TNXB: variants seen among roughly 807,000 people sequenced by gnomAD.
TNXB encodes tenascin XB, also known as tenascin-X.
A neutral mutation model predicts 340.5 loss-of-function variants in TNXB; 183 were observed. That is an observed-to-expected ratio of 0.54 (90% CI 0.48 to 0.61). The LOEUF (loss-of-function observed/expected upper bound fraction) is 0.61. Among genes scored for constraint, TNXB ranks in the 20% least tolerant of loss-of-function variants. TNXB has a pLI of 0.00. For missense variants in TNXB, 4,613 were observed against 5,446.4 expected (o/e 0.85, Z 4.82); for synonymous variants, 2,121 against 2,314.5 (o/e 0.92, Z 2.40).
chr6:32,068,521 G>C lies in TNXB; in HGVS notation c.6089C>G (p.Ala2030Gly), dbSNP rs1304606320. Reference sequence around the variant, plus strand: ...TTCCTCGTGCCCTGGCACCCTCACTGCCTTGGGCTGCCCATCTCCATTCCT... The same window carrying C: ...TTCCTCGTGCCCTGGCACCCTCACTCCCTTGGGCTGCCCATCTCCATTCCT... ...QYRNGDGQPK[A>G]VRVPGHEEGV... is the part of the protein sequence containing the mutation. The change falls in exon 17 of 44, where the codon GCA becomes GGA. Residue 2030 changes from alanine (A) to glycine (G), a missense_variant. Around this residue, in one of 7 missense-constraint regions of TNXB, gnomAD observed 4,327 missense variants for 4,859.4 expected, o/e 0.89. Transcript: ENST00000644971. This position sits in a 1 kb window ranked among gnomAD's most constrained non-coding sequence, Gnocchi z 5.3. The C allele has an allele frequency of 3.7e-6, 6 of 1,613,960 alleles. No individual in the cohort carries two copies. Among genetic ancestry groups the C allele is most frequent in the Non-Finnish European group, 5.1e-6 (6 of 1,179,904 alleles).
In TNXB at chr6:32,058,102, T is replaced by G; in HGVS notation, c.7781A>C (p.His2594Pro). 1 of 1,612,038 alleles carries G rather than the reference T, an allele frequency of 6.2e-7. No homozygotes were observed. The highest frequency in any genetic ancestry group is 8.5e-7 in the Non-Finnish European group (1 of 1,179,294). The change falls in exon 22 of 44, where the codon CAC becomes CCC. Residue 2594 changes from histidine to proline, a missense_variant. By Grantham distance (77) the His-to-Pro change is moderately conservative. Coordinates refer to ENST00000644971, the MANE Select transcript of TNXB (RefSeq NM_001365276.2). The surrounding 1 kb of genome is among the most constrained non-coding windows in gnomAD (Gnocchi z 5.1). ...CACCGGGCCCAGGCGCCGCCCCTCG[T>G]GGAGGCCGTACAGGTGCATCTTGTA... ...RKYKMHLYGL[H>P]EGRRLGPVSA... is the part of the protein sequence containing the mutation.
Position 32,074,290 on chromosome 6 carries a change from C to T in TNXB, c.4376-338G>A, listed in dbSNP as rs1778957334. On this transcript the variant is annotated intron_variant, in intron 11 of 43. Transcript: ENST00000644971. The surrounding 1 kb of genome is among the most constrained non-coding windows in gnomAD (Gnocchi z 5.5). Reference sequence around the variant, plus strand: ...TCCACCTGCCTCAGCCCCCAAAGTGCTGGGATTACAGGTGTGAGCCACCAC... The same window carrying T: ...TCCACCTGCCTCAGCCCCCAAAGTGTTGGGATTACAGGTGTGAGCCACCAC... 6.6e-6 allele frequency among the ~76,000 whole-genome samples: 1 copy of T among 152,172 alleles called. No homozygotes were observed. The highest frequency in any genetic ancestry group is 2.1e-4 in the South Asian group (1 of 4,820).
chr6:32,105,136 ACCTTCAAGTC>A (rs1780914876), intron 1 of TNXB, among the ~76,000 whole-genome samples: 2 of 152,022 alleles, frequency 1.3e-5, no homozygotes, highest in South Asian at 4.2e-4. Context: ...AGCTCCACTG[ACCTTCAAGTC>A]CCTCATACTC....
Position 32,097,196 on chromosome 6 carries a change from G to C in TNXB, c.657C>G (p.Pro219=). The part of the protein sequence containing the change: ...TGPSCGWPSC[P]GDCQGRGRCV... ...AGCGCCCACGGCCTTGGCAGTCCCCGGGACAGGATGGCCAGCCACAGCTGG... is the reference window on the plus strand; with the variant it reads ...AGCGCCCACGGCCTTGGCAGTCCCCCGGACAGGATGGCCAGCCACAGCTGG... Residue 219 remains proline (P), a synonymous_variant, in exon 3 of 44, where the codon CCC becomes CCG. Transcript: ENST00000644971. This position sits in a 1 kb window ranked among gnomAD's most constrained non-coding sequence, Gnocchi z 5.9. 3 of 1,595,688 alleles carry C rather than the reference G, an allele frequency of 1.9e-6. No individual in the cohort carries two copies. The South Asian group carries it at 3.4e-5, about 18-fold the overall frequency.
At position 32,098,146 on chromosome 6, in the gene TNXB, A is replaced by T; in HGVS notation, c.53T>A (p.Leu18Gln). The T allele has an allele frequency of 1.3e-6, 2 of 1,576,572 alleles. No homozygotes were observed. Among genetic ancestry groups the T allele is most frequent in the Middle Eastern group, 1.7e-4 (1 of 5,922 alleles). ...GAAGGGGCCTGCTCTGGCTGTGCTC[A>T]GCAGCACCAGGAGAACCAGGCTGGA... The part of the protein sequence containing the change: ...LTSSLVLLVL[L>Q]STARAGPFSS... The change falls in exon 2 of 44, where the codon CTG becomes CAG. Residue 18 changes from leucine to glutamine, a missense_variant. Transcript: ENST00000644971.
intron 35 of TNXB, 32 bp downstream of exon 35, chr6:32,043,717 C>T: frequency 6.2e-7 from 1 of 1,613,522 alleles, no homozygotes; most frequent in Non-Finnish European, 8.5e-7. Context: ...TCTTGGCTCC[C>T]ACCTCTTGCC....
chr6:32,096,363 C>T lies in TNXB; in HGVS notation c.1490G>A (p.Cys497Tyr), dbSNP rs2127289678. 2 of 1,555,588 alleles carry T rather than the reference C, an allele frequency of 1.3e-6. No homozygotes were observed. Among genetic ancestry groups the T allele is most frequent in the Non-Finnish European group, 1.7e-6 (2 of 1,157,356 alleles). Reference protein sequence around the residue: ...YTGRDCGTRACPGDCRGRGRC... With the variant: ...YTGRDCGTRAYPGDCRGRGRC... ...CCCGCGCCCGCGACAGTCGCCAGGA[C>T]AGGCGCGCGTGCCGCAGTCCCGGCC... Residue 497 changes from cysteine to tyrosine, a missense_variant, in exon 3 of 44, where the codon TGT becomes TAT. By Grantham distance (194) the Cys-to-Tyr change is radical. Coordinates refer to ENST00000644971, the MANE Select transcript of TNXB (RefSeq NM_001365276.2).
rs1231064005 is a variant in TNXB at position 32,081,551 on chromosome 6, G to A, written c.3859C>T (p.Pro1287Ser). 6.2e-7 allele frequency: 1 copy of A among 1,604,804 alleles called. No individual in the cohort carries two copies. The highest frequency in any genetic ancestry group is 8.5e-7 in the Non-Finnish European group (1 of 1,175,884). Residue 1287 changes from proline to serine, a missense_variant, in exon 10 of 44, where the codon CCC becomes TCC. This residue lies in a region of TNXB where 4,327 missense variants were observed against 4,859.4 expected (regional missense o/e 0.89). Coordinates refer to ENST00000644971, the MANE Select transcript of TNXB (RefSeq NM_001365276.2). The surrounding 1 kb of genome is among the most constrained non-coding windows in gnomAD (Gnocchi z 5.1). ...TACTGGACCATGAATGAGTCGAAGGGGCCCTGGGCCACTGTCCATGAGAGA... is the reference window on the plus strand; with the variant it reads ...TACTGGACCATGAATGAGTCGAAGGAGCCCTGGGCCACTGTCCATGAGAGA... Reference protein sequence around the residue: ...LRLSWTVAQGPFDSFMVQYKD... With the variant: ...LRLSWTVAQGSFDSFMVQYKD...
Position 32,041,499 on chromosome 6 carries a change from C to T in TNXB, c.12634-49G>A, listed in dbSNP as rs1351096870. The T allele has an allele frequency of 3.2e-6, 4 of 1,230,960 alleles. 1 individual carries two copies. The highest frequency in any genetic ancestry group is 4.6e-6 in the Non-Finnish European group (4 of 862,198). The allele number at this position is 1,230,960 out of a possible 1,614,324, so 76.3% of individuals were successfully genotyped here. A position where few individuals can be genotyped will look rare whatever the true frequency, so the allele number is the denominator to read the frequency against. On this transcript the variant is annotated intron_variant, in intron 43 of 43. Coordinates refer to ENST00000644971, the MANE Select transcript of TNXB (RefSeq NM_001365276.2). ...GAGTCAAAGCCGGATGTCCCATCTG[C>T]TCTTCCCGTTCCCCTTAAGGAGGTA...
At position 32,061,542 on chromosome 6, in the gene TNXB, G is replaced by C. The variant is rs747521071; in HGVS notation, c.7347C>G (p.Asp2449Glu). 2.5e-6 allele frequency: 4 copies of C among 1,613,554 alleles called. No homozygotes were observed. In the East Asian group the frequency reaches 8.9e-5, roughly 36 times the overall value. ...DSFTVQYKDR[D>E]GRPQVVRVGG... is the part of the protein sequence containing the mutation. ...CAACACGCACCACCTGGGGCCGCCC[G>C]TCCCTGTCCTTGTACTGCACGGTGA... Residue 2449 changes from aspartate to glutamate, a missense_variant, in exon 21 of 44, where the codon GAC (aspartate) becomes GAG (glutamate). Physicochemically the swap from Asp to Glu is conservative, Grantham distance 45 (BLOSUM62 2). Transcript: ENST00000644971. This position sits in a 1 kb window ranked among gnomAD's most constrained non-coding sequence, Gnocchi z 4.4.
chr6:32,047,334 T>C lies in TNXB; in HGVS notation c.10324+400A>G, dbSNP rs1776957759. Among the ~76,000 whole-genome samples the C allele has an allele frequency of 6.6e-6, 1 of 152,204 alleles. No individual in the cohort carries two copies. The highest frequency in any genetic ancestry group is 6.5e-5 in the Admixed American group (1 of 15,284). On this transcript the variant is annotated intron_variant, in intron 30 of 43. Coordinates refer to ENST00000644971, the MANE Select transcript of TNXB (RefSeq NM_001365276.2). The surrounding 1 kb of genome is among the most constrained non-coding windows in gnomAD (Gnocchi z 6.2). ...CTTTCCATAGCCAAGCCCTCCCTTT[T>C]CTTCCACCCCTCGGCTCCGAGTCAG...
rs1403508723 is a variant in TNXB at position 32,046,510 on chromosome 6, C to G, written c.10325-54G>C. ...AGTCACATGCTGCCTTTGCCTAAGC[C>G]CTGGCAGCCTCCCGGAGGTGTGAGG... On this transcript the variant is annotated intron_variant, in intron 30 of 43. Coordinates refer to ENST00000644971, the MANE Select transcript of TNXB (RefSeq NM_001365276.2). The surrounding 1 kb of genome is among the most constrained non-coding windows in gnomAD (Gnocchi z 6.9). 3.8e-5 allele frequency: 56 copies of G among 1,468,336 alleles called. No homozygotes were observed. The highest frequency in any genetic ancestry group is 4.9e-5 in the Non-Finnish European group (54 of 1,099,072). 91.0% of individuals were successfully genotyped at this position (1,468,336 alleles called of 1,614,324 possible).
intron 23 of TNXB, 60 bp downstream of exon 23, chr6:32,056,526 A>G (rs984434772): frequency 6.3e-7 from 1 of 1,583,704 alleles, no homozygotes; most frequent in African/African-American, 1.3e-5. Flanking sequence ...AGTCATCACC[A>G]AAGAGCAAGA....
intron 1 of TNXB, among the ~76,000 whole-genome samples, chr6:32,103,481 C>G (rs13194586): frequency 0.027 from 4,116 of 151,390 alleles, 92 homozygotes; most frequent in South Asian, 0.092. Flanking sequence ...TCTCACACCC[C>G]CTCCAGCCAC....
rs1179171285 is a variant in TNXB, at chr6:32,075,779, A to T, written c.4376-1827T>A. ...GGCTCAGGACCTGCAGATCCCCACC[A>T]CTCCCGCATGAGGAAGCACTCATTA... On this transcript the variant is annotated intron_variant, in intron 11 of 43. Coordinates refer to ENST00000644971, the MANE Select transcript of TNXB (RefSeq NM_001365276.2). This position sits in a 1 kb window ranked among gnomAD's most constrained non-coding sequence, Gnocchi z 4.6. Among the ~76,000 whole-genome samples, 2 of 151,852 alleles carry T rather than the reference A, an allele frequency of 1.3e-5. 1 individual carries two copies. Among genetic ancestry groups the T allele is most frequent in the East Asian group, 3.9e-4 (2 of 5,182 alleles).
At chr6:32,057,987 T>A in intron 22 of TNXB, 71 bp downstream of exon 22, 1 of 1,494,300 alleles carries the variant, frequency 6.7e-7, no homozygotes, top group Non-Finnish European at 9.0e-7. Context: ...GAAATATGTA[T>A]AGGAAAATGG....
In TNXB at chr6:32,068,004, A is replaced by T; in HGVS notation, c.6221-20T>A. ...CTGCAGCTGAGAAGGAGGAAGAGAG[A>T]GTGAGGGGGATGTCCTTGGGTACTG... On this transcript the variant is annotated intron_variant, in intron 17 of 43. Coordinates refer to ENST00000644971, the MANE Select transcript of TNXB (RefSeq NM_001365276.2). The surrounding 1 kb of genome is among the most constrained non-coding windows in gnomAD (Gnocchi z 5.3). The T allele has an allele frequency of 6.2e-7, 1 of 1,604,564 alleles. No individual in the cohort carries two copies. The highest frequency in any genetic ancestry group is 8.5e-7 in the Non-Finnish European group (1 of 1,174,356).
rs1159020393 is a variant in TNXB at position 32,087,456 on chromosome 6, G to T, written c.2779+1329C>A. The T allele has an allele frequency of 2.1e-6, 1 of 487,282 alleles. No homozygotes were observed. The highest frequency in any genetic ancestry group is 6.1e-5 in the East Asian group (1 of 16,522). The allele number at this position is 487,282 out of a possible 1,614,324, so 30.2% of individuals were successfully genotyped here. ...CGCGCTCGAACTGGCCGCGGAGCCC[G>T]TCGAGAGACACGAGAAGCGCGCCAT... On this transcript the variant is annotated intron_variant, in intron 6 of 43. Transcript: ENST00000644971. This position sits in a 1 kb window ranked among gnomAD's most constrained non-coding sequence, Gnocchi z 9.0.
At chr6:32,099,745 T>G (rs1780614264) in intron 1 of TNXB, among the ~76,000 whole-genome samples, 1 of 149,218 alleles carries the variant, frequency 6.7e-6, no homozygotes, top group African/African-American at 2.5e-5. Flanking sequence ...AAAACAAAAA[T>G]CCTCTTCCTC....
Sources: allele counts gnomAD v4.1 joint callset (sites outside exome capture counted in the v4.1 genomes callset), GRCh38; gene constraint gnomAD v4.1.1; regional missense constraint gnomAD v4.1.1; non-coding constraint Gnocchi (gnomAD v3.1); transcripts MANE v1.5; gene names NCBI Gene and HGNC (gene_info 2026-07-23, HGNC 2026-07-21).